NXN: variants seen among roughly 807,000 people sequenced by gnomAD.
The protein encoded by NXN is nucleoredoxin 1.
A neutral mutation model predicts 48.6 loss-of-function variants in NXN; 16 were observed. The ratio of observed to expected loss-of-function variants is 0.33; its 90% CI spans 0.22 to 0.50. The LOEUF (loss-of-function observed/expected upper bound fraction) is 0.50. Among genes scored for constraint, NXN ranks in the 20% least tolerant of loss-of-function variants. NXN has a pLI of 0.98. For missense variants in NXN, 492 were observed against 605.5 expected (o/e 0.81, Z 1.97); for synonymous variants, 281 against 269.6 (o/e 1.04, Z -0.41).
At chr17:866,925 G>A (rs2068100756) in intron 1 of NXN, among the ~76,000 whole-genome samples, 1 of 152,194 alleles carries the variant, frequency 6.6e-6, no homozygotes, top group African/African-American at 2.4e-5. Context: ...GAACATGTGA[G>A]TGGAAACAGT....
chr17:857,621 G>A (rs1352566850), intron 1 of NXN, among the ~76,000 whole-genome samples: 2 of 152,122 alleles, frequency 1.3e-5, no homozygotes, highest in Non-Finnish European at 2.9e-5. Context: ...TAAAACTACC[G>A]TGAAACCTTC....
At chr17:867,606 TAGAC>T (rs989995128) in intron 1 of NXN, among the ~76,000 whole-genome samples, 3 of 152,116 alleles carry the variant, frequency 2.0e-5, no homozygotes, top group African/African-American at 4.8e-5. Context: ...AAGAGAAAAA[TAGAC>T]AGTTTAACAC....
intron 3 of NXN, among the ~76,000 whole-genome samples, chr17:822,778 G>C (rs1313815713): frequency 6.6e-6 from 1 of 152,136 alleles, no homozygotes; most frequent in Non-Finnish European, 1.5e-5. Context: ...GTGTGAGCAG[G>C]TAGCATGAAC....
intron 1 of NXN, among the ~76,000 whole-genome samples, chr17:882,622 T>C (rs113511374): frequency 0.12 from 17,922 of 150,064 alleles, 1,288 homozygotes; most frequent in Middle Eastern, 0.19. Context: ...CCCACCACCA[T>C]GCCCGGCTAA....
At position 956,309 on chromosome 17, in the gene NXN, A is replaced by T. The variant is rs1456587263; in HGVS notation, c.360+23010T>A. 6.6e-6 allele frequency among the ~76,000 whole-genome samples: 1 copy of T among 152,200 alleles called. No individual in the cohort carries two copies. The highest frequency in any genetic ancestry group is 6.5e-5 in the Admixed American group (1 of 15,270). On this transcript the variant is annotated intron_variant, in intron 1 of 7. Coordinates refer to ENST00000336868, the MANE Select transcript of NXN (RefSeq NM_022463.5). The surrounding 1 kb of genome is among the most constrained non-coding windows in gnomAD (Gnocchi z 4.1). ...TAAGAAGGACACAAGGAGGAAAGAC[A>T]GTTTCTCTGCCCTCAGGAAACCATC...
chr17:948,577 G>A (rs1294128358), intron 1 of NXN, among the ~76,000 whole-genome samples: 1 of 151,978 alleles, frequency 6.6e-6, no homozygotes, highest in Non-Finnish European at 1.5e-5. Context: ...AAGCAGCCTG[G>A]GAAAGGAATG....
In NXN at chr17:842,004, C is replaced by T. The variant is rs374306609; in HGVS notation, c.361-15926G>A. On this transcript the variant is annotated intron_variant, in intron 1 of 7. Transcript: ENST00000336868. Reference sequence around the variant, plus strand: ...GGCAAAAATGAGCCGGGTGTGGTGGCGCATGTCTGTAACCCCAGCAACTCA... The same window carrying T: ...GGCAAAAATGAGCCGGGTGTGGTGGTGCATGTCTGTAACCCCAGCAACTCA... Among the ~76,000 whole-genome samples the T allele has an allele frequency of 7.2e-5, 11 of 152,128 alleles. No homozygotes were observed. The East Asian group carries it at 9.7e-4, about 13-fold the overall frequency.
chr17:841,568 CCACGGAG>C (rs1439607656), intron 1 of NXN, among the ~76,000 whole-genome samples: 13 of 142,938 alleles, frequency 9.1e-5, no homozygotes, highest in African/African-American at 3.2e-4. Context: ...TCCCCCCTGA[CCACGGAG>C]CATCTCACGC....
At chr17:955,182 TC>T (rs1392804828) in intron 1 of NXN, among the ~76,000 whole-genome samples, 1 of 148,414 alleles carries the variant, frequency 6.7e-6, no homozygotes, top group Non-Finnish European at 1.5e-5. Flanking sequence ...TTTTTTTTTT[TC>T]CTGAGACAGA....
At chr17:934,629 T>C (rs373437937) in intron 1 of NXN, among the ~76,000 whole-genome samples, 1 of 151,976 alleles carries the variant, frequency 6.6e-6, no homozygotes, top group African/African-American at 2.4e-5. Context: ...ATCCCAGCAC[T>C]TTGGGAGGCC....
In NXN at chr17:920,793, G is replaced by A. The variant is rs1211286840; in HGVS notation, c.360+58526C>T. ...GCTGGAGTGCAGTGGTGGGATCTCG[G>A]CTCGCTGCAACCTCTGCCTCCCGGG... On this transcript the variant is annotated intron_variant, in intron 1 of 7. Transcript: ENST00000336868. This position sits in a 1 kb window ranked among gnomAD's most constrained non-coding sequence, Gnocchi z 4.6. Among the ~76,000 whole-genome samples, 2 of 151,552 alleles carry A rather than the reference G, an allele frequency of 1.3e-5. No individual in the cohort carries two copies. The highest frequency in any genetic ancestry group is 2.9e-5 in the Non-Finnish European group (2 of 67,938).
At chr17:895,800 G>GGCAGAGCAAGAC (rs1327841147) in intron 1 of NXN, among the ~76,000 whole-genome samples, 16,068 of 147,282 alleles carry the variant, frequency 0.11, 2,244 homozygotes, top group African/African-American at 0.32. Flanking sequence ...CCTGGGTTTT[G>GGCAGAGCAAGAC]TTTGTCTCAA....
intron 1 of NXN, among the ~76,000 whole-genome samples, chr17:850,359 G>A (rs931449151): frequency 2.0e-5 from 3 of 152,150 alleles, no homozygotes; most frequent in African/African-American, 4.8e-5. Context: ...TGAGCTTCCC[G>A]GACCTCCTGC....
chr17:846,191 G>A (rs2067858368), intron 1 of NXN, among the ~76,000 whole-genome samples: 1 of 152,080 alleles, frequency 6.6e-6, no homozygotes, highest in East Asian at 1.9e-4. Flanking sequence ...CACTTTGGGA[G>A]GCCAAGGCAG....
rs778350779 is a variant in NXN at position 894,994 on chromosome 17, C to CT, written c.361-68917dup. Among the ~76,000 whole-genome samples the CT allele has an allele frequency of 1.9e-3, 114 of 60,822 alleles. 6 individuals carry two copies. Among genetic ancestry groups the CT allele is most frequent in the East Asian group, 8.1e-3 (13 of 1,614 alleles). The allele number at this position is 60,822 out of a possible 152,430, so 39.9% of individuals were successfully genotyped here. On this transcript the variant is annotated intron_variant, in intron 1 of 7. Coordinates refer to ENST00000336868, the MANE Select transcript of NXN (RefSeq NM_022463.5). ...TCTCATCCTTTCCTTTCACCCTTTC[C>CT]TTTTTTTTTTTTTTTTTTTTTTTTT...
At chr17:967,423 C>T (rs1039577028) in intron 1 of NXN, among the ~76,000 whole-genome samples, 3 of 152,186 alleles carry the variant, frequency 2.0e-5, no homozygotes, top group Non-Finnish European at 2.9e-5. Context: ...CTGTGCCACC[C>T]GGGCCTAAAG....
chr17:945,661 GAC>G (rs895022619), intron 1 of NXN, among the ~76,000 whole-genome samples: 4 of 150,108 alleles, frequency 2.7e-5, no homozygotes, highest in Admixed American at 6.6e-5. Flanking sequence ...TTTCCCAGAT[GAC>G]AGAGTTAGAT....
chr17:841,386 C>T (rs1451608772), intron 1 of NXN, among the ~76,000 whole-genome samples: 1 of 150,242 alleles, frequency 6.7e-6, no homozygotes, highest in Non-Finnish European at 1.5e-5. Context: ...CACGGTGCAT[C>T]TCACGCCGGC....
At chr17:833,917 C>G (rs148868745) in intron 1 of NXN, among the ~76,000 whole-genome samples, 50 of 152,330 alleles carry the variant, frequency 3.3e-4, no homozygotes, top group African/African-American at 1.1e-3. Flanking sequence ...TCACTCTCCC[C>G]GCTCTCCCAC....
Sources: gnomAD v4.1 joint callset for allele counts (sites outside exome capture counted in the v4.1 genomes callset) on GRCh38, gnomAD v4.1.1 for gene constraint, Gnocchi (gnomAD v3.1) non-coding constraint, MANE v1.5 for transcripts, NCBI Gene and HGNC (gene_info 2026-07-23, HGNC 2026-07-21) for gene names.